CDH18: variants seen among roughly 807,000 people sequenced by gnomAD.
CDH18 encodes cadherin 18, also known as cadherin-18.
Under a neutral mutation model 67.9 loss-of-function variants are expected in CDH18, and 31 were observed. The observed-to-expected ratio is 0.46, with a 90% confidence interval of 0.34 to 0.62. CDH18 has a LOEUF of 0.62. CDH18 is among the 20% of genes least tolerant of loss of function. The probability of loss-of-function intolerance (pLI) is 0.01; values close to 1 mark genes in which losing one functional copy is unlikely to be tolerated. For missense variants in CDH18, 890 were observed against 975.5 expected (o/e 0.91, Z 1.17); for synonymous variants, 362 against 347.2 (o/e 1.04, Z -0.48).
chr5:20,048,142 C>A (rs919141726), intron 2 of CDH18, among the ~76,000 whole-genome samples: 1 of 151,280 alleles, frequency 6.6e-6, no homozygotes, highest in Admixed American at 6.6e-5. Flanking sequence ...TAAAAGTAGG[C>A]TGAAATAATT....
chr5:20,427,922 G>A (rs753575559), intron 1 of CDH18, among the ~76,000 whole-genome samples: 1 of 151,022 alleles, frequency 6.6e-6, no homozygotes, highest in Admixed American at 6.6e-5. Flanking sequence ...TTGACCCAAC[G>A]TGTTTGTTTT....
At chr5:19,497,947 C>T (rs1742619406) in intron 11 of CDH18, among the ~76,000 whole-genome samples, 1 of 152,136 alleles carries the variant, frequency 6.6e-6, no homozygotes, top group Non-Finnish European at 1.5e-5. Context: ...ACACAAGCCT[C>T]CTGAGTCAAA....
intron 5 of CDH18, among the ~76,000 whole-genome samples, chr5:19,628,430 A>C (rs1751882429): frequency 6.6e-6 from 1 of 152,172 alleles, no homozygotes; most frequent in South Asian, 2.1e-4. Flanking sequence ...TGTGTGGAAC[A>C]ATGATAGAAT....
At chr5:20,112,343 G>C (rs1747548465) in intron 2 of CDH18, among the ~76,000 whole-genome samples, 1 of 152,018 alleles carries the variant, frequency 6.6e-6, no homozygotes, top group Admixed American at 6.6e-5. Flanking sequence ...TGAATTTTTT[G>C]GTTATTTTAA....
In CDH18 at chr5:20,161,129, G is replaced by C. The variant is rs189130221; in HGVS notation, c.-518+94315C>G. 6.6e-5 allele frequency among the ~76,000 whole-genome samples: 10 copies of C among 152,240 alleles called. No homozygotes were observed. The East Asian group carries it at 1.5e-3, about 24-fold the overall frequency. On this transcript the variant is annotated intron_variant, in intron 2 of 14. Transcript: ENST00000507958. ...CATTTACATAAAAATTTTGCCTACT[G>C]CTGGTTTGAAACAATATTGATTTAT... is the stretch of plus-strand genomic sequence containing the variant.
intron 4 of CDH18, among the ~76,000 whole-genome samples, chr5:19,740,543 A>T (rs114411693): frequency 0.02 from 2,983 of 152,284 alleles, 91 homozygotes; most frequent in African/African-American, 0.066. Context: ...GAGATACGAT[A>T]CACACAATTA....
chr5:20,228,290 G>A (rs1222072455), intron 2 of CDH18, among the ~76,000 whole-genome samples: 1 of 151,946 alleles, frequency 6.6e-6, no homozygotes, highest in African/African-American at 2.4e-5. Flanking sequence ...AGTACTATAA[G>A]TTTAGGGGTG....
intron 3 of CDH18, among the ~76,000 whole-genome samples, chr5:19,794,102 T>C (rs1000200801): frequency 6.6e-6 from 1 of 152,116 alleles, no homozygotes; most frequent in East Asian, 1.9e-4. Context: ...TGAATTCTGT[T>C]TTATTTGAAA....
intron 3 of CDH18, among the ~76,000 whole-genome samples, chr5:19,796,637 G>A (rs1001167278): frequency 6.6e-6 from 1 of 152,066 alleles, no homozygotes; most frequent in African/African-American, 2.4e-5. Flanking sequence ...GAAGCAACAA[G>A]GGGAAGAGCA....
rs1554122671 is a variant in CDH18, at chr5:20,356,754, T to TAC, written c.-579-101250_-579-101249insGT. On this transcript the variant is annotated intron_variant, in intron 1 of 14. Transcript: ENST00000507958. ...CTCTCTCTCTCTCTCTCTCTCTCTC[T>TAC]ATATATATATATATATACACATGCA... Among the ~76,000 whole-genome samples the TAC allele has an allele frequency of 5.4e-3, 612 of 113,132 alleles. 8 individuals carry two copies. The highest frequency in any genetic ancestry group is 0.018 in the African/African-American group (587 of 33,536). 74.2% of individuals were successfully genotyped at this position (113,132 alleles called of 152,430 possible).
intron 2 of CDH18, among the ~76,000 whole-genome samples, chr5:20,215,619 A>G (rs555663541): frequency 3.9e-5 from 6 of 151,946 alleles, no homozygotes; most frequent in South Asian, 4.1e-4. Context: ...CAATTCCATT[A>G]TTATTTGTAT....
chr5:19,578,474 T>C (rs1235149240), intron 7 of CDH18, among the ~76,000 whole-genome samples: 1 of 152,044 alleles, frequency 6.6e-6, no homozygotes, highest in Non-Finnish European at 1.5e-5. Flanking sequence ...TAAGAAAATA[T>C]TGTTATAATG....
Position 19,637,687 on chromosome 5 carries a change from G to C in CDH18, c.644-25086C>G, listed in dbSNP as rs551790342. ...CGTCACCAATCACCAGTCAATGTCT[G>C]CTTATCCCGGCCTGCCTGTAGCAAG... is the stretch of plus-strand genomic sequence containing the variant. On this transcript the variant is annotated intron_variant, in intron 5 of 12. Coordinates refer to ENST00000382275, the MANE Select transcript of CDH18 (RefSeq NM_004934.5). 3.3e-5 allele frequency among the ~76,000 whole-genome samples: 5 copies of C among 152,194 alleles called. No homozygotes were observed. The South Asian group carries it at 8.3e-4, about 25-fold the overall frequency.
At chr5:20,560,613 C>A (rs574597504) in intron 1 of CDH18, among the ~76,000 whole-genome samples, 2 of 151,990 alleles carry the variant, frequency 1.3e-5, no homozygotes, top group Admixed American at 1.3e-4. Flanking sequence ...TACCAAGCAG[C>A]ATTATCAGCT....
At chr5:19,927,591 A>G (rs1362412419) in intron 2 of CDH18, among the ~76,000 whole-genome samples, 3 of 152,182 alleles carry the variant, frequency 2.0e-5, no homozygotes, top group Non-Finnish European at 4.4e-5. Context: ...GCACATATAT[A>G]TAAATTATTA....
At chr5:20,228,421 T>C (rs1454180247) in intron 2 of CDH18, among the ~76,000 whole-genome samples, 1 of 152,102 alleles carries the variant, frequency 6.6e-6, no homozygotes, top group Non-Finnish European at 1.5e-5. Flanking sequence ...GTGGAATGAC[T>C]AAATATACCT....
intron 1 of CDH18, among the ~76,000 whole-genome samples, chr5:20,367,760 A>G (rs988525427): frequency 1.3e-5 from 2 of 152,218 alleles, no homozygotes; most frequent in African/African-American, 4.8e-5. Context: ...GTGACTACAT[A>G]GGTAATCTGT....
chr5:20,309,571 G>A (rs1736805927), intron 1 of CDH18, among the ~76,000 whole-genome samples: 1 of 152,142 alleles, frequency 6.6e-6, no homozygotes, highest in Admixed American at 6.5e-5. Flanking sequence ...GATGATAACT[G>A]AAGACAGTTA....
At chr5:19,726,373 T>C (rs1766846498) in intron 4 of CDH18, among the ~76,000 whole-genome samples, 2 of 152,176 alleles carry the variant, frequency 1.3e-5, no homozygotes, top group African/African-American at 4.8e-5. Context: ...CACAATTGTC[T>C]TTGTGTGTGA....
Sources: allele counts gnomAD v4.1 joint callset (sites outside exome capture counted in the v4.1 genomes callset), GRCh38; gene constraint gnomAD v4.1.1; transcripts MANE v1.5; gene names NCBI Gene and HGNC (gene_info 2026-07-23, HGNC 2026-07-21).